THRB: variants seen among roughly 807,000 people sequenced by gnomAD.
The protein encoded by THRB is thyroid hormone receptor beta.
Under a neutral mutation model 47.8 loss-of-function variants are expected in THRB, and 12 were observed. That is an observed-to-expected ratio of 0.25 (90% CI 0.16 to 0.41). The LOEUF (loss-of-function observed/expected upper bound fraction) is 0.41, where lower values mean the gene tolerates loss of function less well. THRB is among the 10% of genes least tolerant of loss of function. The probability of loss-of-function intolerance (pLI) is 1.00; values close to 1 mark genes in which losing one functional copy is unlikely to be tolerated. For synonymous variants in THRB, 218 were observed against 212.2 expected (o/e 1.03, Z -0.24); for missense variants, 348 against 589.2 (o/e 0.59, Z 4.24).
intron 3 of THRB, among the ~76,000 whole-genome samples, chr3:24,252,026 C>G (rs1204571303): frequency 6.6e-6 from 1 of 152,198 alleles, no homozygotes; most frequent in South Asian, 2.1e-4. Flanking sequence ...AACTGCTAAT[C>G]AGAGTAATAA....
chr3:24,437,977 C>G (rs934933851), intron 1 of THRB, among the ~76,000 whole-genome samples: 3 of 151,748 alleles, frequency 2.0e-5, no homozygotes, highest in Non-Finnish European at 2.9e-5. Flanking sequence ...AATATCTTAG[C>G]TGAGTAATCT....
At chr3:24,256,906 G>C (rs879262493) in intron 3 of THRB, among the ~76,000 whole-genome samples, 1 of 152,180 alleles carries the variant, frequency 6.6e-6, no homozygotes, top group Non-Finnish European at 1.5e-5. Context: ...AAATGTTGAT[G>C]GCCCATTTGA....
intron 2 of THRB, among the ~76,000 whole-genome samples, chr3:24,297,912 G>C (rs1190809676): frequency 6.6e-6 from 1 of 152,102 alleles, no homozygotes; most frequent in Non-Finnish European, 1.5e-5. Flanking sequence ...TCAGAGCAGT[G>C]GCTCCTAACT....
chr3:24,276,257 T>G (rs1475955159), intron 3 of THRB, among the ~76,000 whole-genome samples: 1 of 152,214 alleles, frequency 6.6e-6, no homozygotes, highest in Non-Finnish European at 1.5e-5. Context: ...TTGGTTGACG[T>G]ATGAACTTTT....
At chr3:24,443,235 A>G (rs906073770) in intron 1 of THRB, among the ~76,000 whole-genome samples, 12 of 152,328 alleles carry the variant, frequency 7.9e-5, no homozygotes, top group African/African-American at 2.6e-4. Context: ...TGAATTACCA[A>G]AATTGCCACA....
chr3:24,137,749 A>T (rs2034865400), intron 8 of THRB, among the ~76,000 whole-genome samples: 1 of 152,158 alleles, frequency 6.6e-6, no homozygotes, highest in African/African-American at 2.4e-5. Flanking sequence ...AAGGGCTGTA[A>T]ACAGGGCATA....
intron 1 of THRB, among the ~76,000 whole-genome samples, chr3:24,401,588 T>A (rs1249426475): frequency 6.6e-6 from 1 of 152,078 alleles, no homozygotes; most frequent in Non-Finnish European, 1.5e-5. Flanking sequence ...TATCAATAAC[T>A]CTGCCTAGCC....
intron 3 of THRB, among the ~76,000 whole-genome samples, chr3:24,285,444 A>T (rs1438460807): frequency 1.4e-5 from 1 of 70,854 alleles, no homozygotes. Flanking sequence ...GGGTGGGGGG[A>T]GGGGGGAGGG....
intron 5 of THRB, among the ~76,000 whole-genome samples, chr3:24,186,455 T>C (rs2042584435): frequency 2.0e-5 from 3 of 151,652 alleles, no homozygotes; most frequent in Non-Finnish European, 4.4e-5. Flanking sequence ...GTGGGGTGAG[T>C]TGCAGAAGGG....
At position 24,216,235 on chromosome 3, in the gene THRB, T is replaced by G. The variant is rs187935564; in HGVS notation, c.22+12703A>C. Among the ~76,000 whole-genome samples the G allele has an allele frequency of 1.9e-3, 287 of 152,318 alleles. 3 individuals are homozygous for G. Among genetic ancestry groups the G allele is most frequent in the Non-Finnish European group, 6.0e-4 (41 of 68,024 alleles). Reference sequence around the variant, plus strand: ...ACTTCAAGTTAATGGGCTTTGTTTCTCCACCTGTAATTTCATGGCATTGAA... The same window carrying G: ...ACTTCAAGTTAATGGGCTTTGTTTCGCCACCTGTAATTTCATGGCATTGAA... On this transcript the variant is annotated intron_variant, in intron 4 of 10. Transcript: ENST00000646209.
intron 8 of THRB, among the ~76,000 whole-genome samples, chr3:24,139,760 G>GT (rs1228561258): frequency 6.6e-6 from 1 of 152,176 alleles, no homozygotes; most frequent in Non-Finnish European, 1.5e-5. Flanking sequence ...AACTATGTCA[G>GT]TAGCTCCTTT....
chr3:24,245,741 C>T (rs1437358318), intron 3 of THRB, among the ~76,000 whole-genome samples: 3 of 152,020 alleles, frequency 2.0e-5, no homozygotes, highest in Non-Finnish European at 4.4e-5. Context: ...GGTGAAACCC[C>T]ATCTCTACTA....
At chr3:24,450,404 T>A (rs576756914) in intron 1 of THRB, among the ~76,000 whole-genome samples, 1 of 152,332 alleles carries the variant, frequency 6.6e-6, no homozygotes, top group South Asian at 2.1e-4. Flanking sequence ...GAACATTTAC[T>A]TACGAGTGTC....
rs370830867 is a variant in THRB, at chr3:24,245,607, G to C, written c.-42-16606C>G. Among the ~76,000 whole-genome samples, 20 of 152,248 alleles carry C rather than the reference G, an allele frequency of 1.3e-4. No homozygotes were observed. In the South Asian group the frequency reaches 3.9e-3, roughly 30 times the overall value. ...GGACCACGCCAATTTTCTCTGTCAA[G>C]ATCCAGCTATAAACTGAGGGCCTGG... On this transcript the variant is annotated intron_variant, in intron 3 of 10. Transcript: ENST00000646209.
At chr3:24,187,681 T>G (rs531175299) in intron 5 of THRB, among the ~76,000 whole-genome samples, 1 of 152,192 alleles carries the variant, frequency 6.6e-6, no homozygotes, top group African/African-American at 2.4e-5. Flanking sequence ...CACAGCCATC[T>G]AGGAAATAAA....
At chr3:24,427,228 A>C (rs1222755658) in intron 1 of THRB, among the ~76,000 whole-genome samples, 1 of 152,062 alleles carries the variant, frequency 6.6e-6, no homozygotes, top group African/African-American at 2.4e-5. Context: ...GTGTTTTTAA[A>C]GAAGCACAAT....
intron 1 of THRB, among the ~76,000 whole-genome samples, chr3:24,342,405 T>C (rs1250962504): frequency 1.3e-4 from 20 of 152,136 alleles, no homozygotes; most frequent in Admixed American, 1.3e-3. Flanking sequence ...ATGGAGGTGT[T>C]GATATTGGAG....
chr3:24,363,000 A>T (rs2064186685), intron 1 of THRB, among the ~76,000 whole-genome samples: 1 of 152,172 alleles, frequency 6.6e-6, no homozygotes, highest in East Asian at 1.9e-4. Flanking sequence ...GCTGATGGGA[A>T]AATGAAGGGA....
chr3:24,475,580 A>T (rs79372863), intron 1 of THRB, among the ~76,000 whole-genome samples: 11,513 of 152,300 alleles, frequency 0.076, 574 homozygotes, highest in South Asian at 0.14. Flanking sequence ...AAGGCCATGC[A>T]CTAGCAAGAA....
Sources: gnomAD v4.1 joint callset for allele counts (sites outside exome capture counted in the v4.1 genomes callset) on GRCh38, gnomAD v4.1.1 for gene constraint, MANE v1.5 for transcripts, NCBI Gene and HGNC (gene_info 2026-07-23, HGNC 2026-07-21) for gene names.